Variants in COL11A1 observed in about 807,000 individuals in gnomAD.
The protein encoded by COL11A1 is collagen type XI alpha 1 chain.
COL11A1 carries 74 observed loss-of-function variants against 265.2 expected under a neutral mutation model. That is an observed-to-expected ratio of 0.28 (90% CI 0.23 to 0.34). COL11A1 has a LOEUF of 0.34. Among genes scored for constraint, COL11A1 ranks in the 10% least tolerant of loss-of-function variants. The pLI, the probability that COL11A1 is intolerant of heterozygous loss-of-function variation, is 1.00. For synonymous variants in COL11A1, 816 were observed against 727.6 expected (o/e 1.12, Z -1.96); for missense variants, 2,165 against 2,263.6 (o/e 0.96, Z 0.88).
Position 103,043,040 on chromosome 1 carries a change from C to T in COL11A1, c.652-11796G>A, listed in dbSNP as rs535778974. Among the ~76,000 whole-genome samples, 293 of 134,046 alleles carry T rather than the reference C, an allele frequency of 2.2e-3. 1 individual carries two copies. Among genetic ancestry groups the T allele is most frequent in the African/African-American group, 8.7e-3 (283 of 32,376 alleles). 87.9% of individuals were successfully genotyped at this position (134,046 alleles called of 152,430 possible). A position where few individuals can be genotyped will look rare whatever the true frequency, so the allele number is the denominator to read the frequency against. Reference sequence around the variant, plus strand: ...AAATATATATGATATATATTAAATACATCATATATATGAAACATATATAAT... The same window carrying T: ...AAATATATATGATATATATTAAATATATCATATATATGAAACATATATAAT... On this transcript the variant is annotated intron_variant, in intron 4 of 66. Transcript: ENST00000370096.
At chr1:103,066,612 A>G (rs1671172019) in intron 4 of COL11A1, among the ~76,000 whole-genome samples, 1 of 151,688 alleles carries the variant, frequency 6.6e-6, no homozygotes, top group South Asian at 2.1e-4. Flanking sequence ...CAGAAAACAG[A>G]GAGTACAAAG....
chr1:103,090,397 A>G (rs1673224176), intron 1 of COL11A1, among the ~76,000 whole-genome samples: 2 of 152,166 alleles, frequency 1.3e-5, no homozygotes, highest in South Asian at 4.1e-4. Context: ...ACAAAAGAGA[A>G]AAGGATAGAA....
chr1:103,107,247 T>C (rs542496739), intron 1 of COL11A1, among the ~76,000 whole-genome samples: 42 of 151,980 alleles, frequency 2.8e-4, no homozygotes, highest in Non-Finnish European at 5.4e-4. Context: ...AACTGTTCCT[T>C]ACCTCTCTCC....
In COL11A1 at chr1:103,004,654, C is replaced by T. The variant is rs192313594; in HGVS notation, c.1853G>A (p.Arg618Gln). ...LPGDKGHRGE[R>Q]GPQGPPGPPG... is the part of the protein sequence containing the mutation. ...AGGACCTGGAGGACCTTGAGGACCT[C>T]GTTCACCCTGTTAAATCAATACAAA... is the stretch of plus-strand genomic sequence containing the variant. The change falls in exon 19 of 67, where the codon CGA (arginine) becomes CAA (glutamine). Residue 618 changes from arginine (R) to glutamine (Q), a missense_variant. Coordinates refer to ENST00000370096, the MANE Select transcript of COL11A1 (RefSeq NM_001854.4). 2.2e-5 allele frequency: 36 copies of T among 1,609,990 alleles called. No homozygotes were observed. Among genetic ancestry groups the T allele is most frequent in the African/African-American group, 1.9e-4 (14 of 74,838 alleles).
intron 57 of COL11A1, among the ~76,000 whole-genome samples, chr1:102,891,431 T>G (rs1159634647): frequency 6.6e-6 from 1 of 151,900 alleles, no homozygotes; most frequent in Admixed American, 6.6e-5. Flanking sequence ...AATTTAACGT[T>G]TTTAATAGTC....
At position 103,026,306 on chromosome 1, in the gene COL11A1, A is replaced by G. The variant is rs1387166862; in HGVS notation, c.807T>C (p.Tyr269=). 1.9e-6 allele frequency: 3 copies of G among 1,612,890 alleles called. No homozygotes were observed. Among genetic ancestry groups the G allele is most frequent in the Non-Finnish European group, 2.5e-6 (3 of 1,179,036 alleles). ...ACTCTGCTTCCCCATACTCATAGTC[A>G]TATTCGATTATATCCTCTGGTGCAT... ...DEYAPEDIIE[Y]DYEYGEAEYK... Residue 269 remains tyrosine (Y), a synonymous_variant, in exon 6 of 67, where the codon TAT becomes TAC. Transcript: ENST00000370096.
chr1:103,062,135 TAAAG>T (rs1670723345), intron 4 of COL11A1, among the ~76,000 whole-genome samples: 1 of 151,914 alleles, frequency 6.6e-6, no homozygotes, highest in South Asian at 2.1e-4. Flanking sequence ...AACTCATAAA[TAAAG>T]AATTAGAAAA....
intron 24 of COL11A1, among the ~76,000 whole-genome samples, chr1:103,000,726 C>T (rs75889544): frequency 1.8e-3 from 278 of 151,982 alleles, no homozygotes; most frequent in African/African-American, 5.8e-3. Context: ...ATAAGTTTAC[C>T]ATAACACAAG....
At chr1:102,888,285 G>A (rs529939128) in intron 62 of COL11A1, among the ~76,000 whole-genome samples, 4 of 151,890 alleles carry the variant, frequency 2.6e-5, no homozygotes, top group South Asian at 4.2e-4. Flanking sequence ...GTATCTTTAC[G>A]GCATAAAATA....
intron 63 of COL11A1, among the ~76,000 whole-genome samples, chr1:102,884,826 T>C (rs1276000060): frequency 6.6e-6 from 1 of 152,156 alleles, no homozygotes; most frequent in African/African-American, 2.4e-5. Context: ...CTTCCAAGTG[T>C]ACTTTACTTT....
rs763187998 is a variant in COL11A1, at chr1:102,962,751, C to T, written c.2926G>A (p.Gly976Ser). ...CGTTCCCCTATTGGACCAGTCTCAC[C>T]GGTTGGTCCCTAAATTAGATAAGCA... ...GGVVGPQGPT[G>S]ETGPIGERGH... is the part of the protein sequence containing the mutation. The change falls in exon 39 of 67, where the codon GGT (glycine) becomes AGT (serine). Residue 976 changes from glycine (G) to serine (S), a missense_variant. Physicochemically the swap from Gly to Ser is moderately conservative, Grantham distance 56. Transcript: ENST00000370096. 2.5e-5 allele frequency: 41 copies of T among 1,613,792 alleles called. No individual in the cohort carries two copies. Among genetic ancestry groups the T allele is most frequent in the Middle Eastern group, 1.6e-4 (1 of 6,084 alleles).
Position 102,962,604 on chromosome 1 carries a change from C to A in COL11A1, c.3024+49G>T. ...TAGACAAGGGGTGAGTATAGTTAAA[C>A]ATAAATTAAAGTTTTGGGCCAAAAA... On this transcript the variant is annotated intron_variant, in intron 39 of 66. Coordinates refer to ENST00000370096, the MANE Select transcript of COL11A1 (RefSeq NM_001854.4). 4.7e-6 allele frequency: 7 copies of A among 1,504,330 alleles called. No individual in the cohort carries two copies. In the Middle Eastern group the frequency reaches 1.0e-3, roughly 220 times the overall value. The allele number at this position is 1,504,330 out of a possible 1,614,324, so 93.2% of individuals were successfully genotyped here.
At chr1:102,983,530 C>T (rs978578460) in intron 31 of COL11A1, among the ~76,000 whole-genome samples, 1 of 151,960 alleles carries the variant, frequency 6.6e-6, no homozygotes, top group Non-Finnish European at 1.5e-5. Flanking sequence ...GTCATGAAGT[C>T]ACAAGCCAAG....
intron 46 of COL11A1, among the ~76,000 whole-genome samples, chr1:102,932,762 C>T (rs1411681567): frequency 6.6e-6 from 1 of 150,764 alleles, no homozygotes; most frequent in Non-Finnish European, 1.5e-5. Context: ...TTCACATAGT[C>T]CCATATTTCT....
In COL11A1 at chr1:103,060,443, T is replaced by G. The variant is rs184060683; in HGVS notation, c.651+14175A>C. 6.0e-3 allele frequency among the ~76,000 whole-genome samples: 920 copies of G among 152,252 alleles called. 6 individuals are homozygous for G. The highest frequency in any genetic ancestry group is 0.014 in the Middle Eastern group (4 of 294). ...AGAATGAATAAGTGAAGGTAAAATATTTTTTATTATTATTAATTGATCTAA... is the reference window on the plus strand; with the variant it reads ...AGAATGAATAAGTGAAGGTAAAATAGTTTTTATTATTATTAATTGATCTAA... On this transcript the variant is annotated intron_variant, in intron 4 of 66. Coordinates refer to ENST00000370096, the MANE Select transcript of COL11A1 (RefSeq NM_001854.4).
intron 14 of COL11A1, among the ~76,000 whole-genome samples, chr1:103,010,636 T>C (rs2101881255): frequency 6.6e-6 from 1 of 152,314 alleles, no homozygotes; most frequent in South Asian, 2.1e-4. Flanking sequence ...CCTTGTGTTT[T>C]TCAAGATAAT....
chr1:102,952,469 A>C (rs1570843406), intron 41 of COL11A1, among the ~76,000 whole-genome samples: 1 of 152,234 alleles, frequency 6.6e-6, no homozygotes, highest in African/African-American at 2.4e-5. Context: ...CATAAGATTA[A>C]ATTTCAGATT....
chr1:102,966,312 G>A (rs370812402), intron 37 of COL11A1, among the ~76,000 whole-genome samples: 15 of 151,978 alleles, frequency 9.9e-5, no homozygotes, highest in African/African-American at 3.1e-4. Flanking sequence ...GAGAAGTTTC[G>A]AAAGAACTGA....
chr1:103,011,793 G>T (rs898146150), intron 14 of COL11A1, among the ~76,000 whole-genome samples: 3 of 151,978 alleles, frequency 2.0e-5, no homozygotes, highest in African/African-American at 7.2e-5. Flanking sequence ...CCTGTGAACT[G>T]CTACACCACT....
Sources: allele counts gnomAD v4.1 joint callset (sites outside exome capture counted in the v4.1 genomes callset), GRCh38; gene constraint gnomAD v4.1.1; transcripts MANE v1.5; gene names NCBI Gene and HGNC (gene_info 2026-07-23, HGNC 2026-07-21).